The following USP53 variants were observed in gnomAD, a reference collection of about 807,000 sequenced individuals.
USP53 encodes ubiquitin specific peptidase 53.
USP53 carries 71 observed loss-of-function variants against 94.9 expected under a neutral mutation model. That is an observed-to-expected ratio of 0.75 (90% CI 0.62 to 0.91). The LOEUF is 0.91. USP53 is among the 40% of genes least tolerant of loss of function. The pLI is 0.00. For missense variants in USP53, 1,173 were observed against 1,281.0 expected, an observed-to-expected ratio of 0.92 and a Z score of 1.29; for synonymous variants, 375 against 422.7, an observed-to-expected ratio of 0.89 and a Z score of 1.39.
intron 4 of USP53, among the ~76,000 whole-genome samples, chr4:119,238,629 T>C (rs956021822): frequency 6.6e-6 from 1 of 152,230 alleles, no homozygotes; most frequent in African/African-American, 2.4e-5. Flanking sequence ...GACACACACC[T>C]TCAGTTTGTT....
At chr4:119,272,244 C>T (rs1343550540) in intron 16 of USP53, 6 of 422,746 alleles carry the variant, frequency 1.4e-5, no homozygotes, top group Non-Finnish European at 1.6e-5. Flanking sequence ...TTTAGATTTC[C>T]ATTTTGAATA....
chr4:119,240,045 G>C (rs1231828108), intron 5 of USP53, 142 bp downstream of exon 5: 13 of 936,118 alleles, frequency 1.4e-5, no homozygotes, highest in Non-Finnish European at 1.8e-5. Flanking sequence ...GGGAGCAAAA[G>C]TGTTTTGGCT....
chr4:119,217,010 C>T (rs1208167987), intron 2 of USP53, among the ~76,000 whole-genome samples: 1 of 152,104 alleles, frequency 6.6e-6, no homozygotes, highest in African/African-American at 2.4e-5. Flanking sequence ...TTATGATTCT[C>T]ACAGTAGCCC....
chr4:119,267,246 A>T, intron 12 of USP53, 74 bp from the exon 13 acceptor site: 1 of 1,436,096 alleles, frequency 7.0e-7, no homozygotes, highest in Non-Finnish European at 9.4e-7. Context: ...AAAGTAACTC[A>T]GAGTCTGTCT....
chr4:119,230,621 C>G (rs1168740837), intron 3 of USP53, among the ~76,000 whole-genome samples: 1 of 152,082 alleles, frequency 6.6e-6, no homozygotes, highest in Non-Finnish European at 1.5e-5. Flanking sequence ...CTAGGAGAGT[C>G]CTGACCAGAA....
rs747233745 is a variant in USP53 at position 119,271,616 on chromosome 4, C to T, written c.1756C>T (p.Pro586Ser). The change falls in exon 16 of 19, where the codon CCT becomes TCT. Residue 586 changes from proline to serine, a missense_variant. Transcript: ENST00000692078. Reference protein sequence around the residue: ...SSKSRNRGWKPMRETLNVDSI... With the variant: ...SSKSRNRGWKSMRETLNVDSI... ...TAAAAGCCGGAACCGAGGTTGGAAACCTATGAGAGAAACATTAAATGTTGA... is the reference window on the plus strand; with the variant it reads ...TAAAAGCCGGAACCGAGGTTGGAAATCTATGAGAGAAACATTAAATGTTGA... 6.2e-7 allele frequency: 1 copy of T among 1,613,628 alleles called. No homozygotes were observed. The highest frequency in any genetic ancestry group is 1.3e-5 in the African/African-American group (1 of 74,982).
rs766390231 is a variant in USP53 at position 119,271,646 on chromosome 4, A to G, written c.1786A>G (p.Ile596Val). ...GAGAGAAACATTAAATGTTGATAGTATTTTTAGTGAAAGTGAAAAAAGACA... is the reference window on the plus strand; with the variant it reads ...GAGAGAAACATTAAATGTTGATAGTGTTTTTAGTGAAAGTGAAAAAAGACA... ...PMRETLNVDS[I>V]FSESEKRQHS... The change falls in exon 16 of 19, where the codon ATT becomes GTT. Residue 596 changes from isoleucine (I) to valine (V), a missense_variant. Transcript: ENST00000692078. The G allele has an allele frequency of 8.7e-6, 14 of 1,613,820 alleles. No homozygotes were observed. The highest frequency in any genetic ancestry group is 1.3e-5 in the African/African-American group (1 of 74,936).
At chr4:119,236,355 T>C (rs1213239633) in intron 4 of USP53, among the ~76,000 whole-genome samples, 2 of 152,238 alleles carry the variant, frequency 1.3e-5, no homozygotes, top group Admixed American at 6.5e-5. Context: ...CGCCTTGATG[T>C]TGATGGCTGC....
chr4:119,267,610 A>G (rs1751309487), intron 13 of USP53, 128 bp downstream of exon 13: 1 of 1,081,880 alleles, frequency 9.2e-7, no homozygotes, highest in Non-Finnish European at 1.3e-6. Flanking sequence ...AGCTGAGGAA[A>G]TTTTAGTAAT....
intron 7 of USP53, among the ~76,000 whole-genome samples, chr4:119,252,432 A>C (rs1749149786): frequency 6.6e-6 from 1 of 152,104 alleles, no homozygotes; most frequent in South Asian, 2.1e-4. Context: ...GTCTACTCAG[A>C]GATTCAACTT....
chr4:119,239,712 A>G lies in USP53; in HGVS notation c.-48A>G. 3 of 1,563,838 alleles carry G rather than the reference A, an allele frequency of 1.9e-6. No individual in the cohort carries two copies. Among genetic ancestry groups the G allele is most frequent in the Non-Finnish European group, 2.6e-6 (3 of 1,156,142 alleles). The stretch of plus-strand genomic sequence containing the variant: ...TCCATTTTATTGTCCAAAATATTAC[A>G]TAAAAGTGTACAGTTTTTAGCCTAA... On this transcript the variant is annotated 5_prime_UTR_variant, in exon 5 of 19. Transcript: ENST00000692078.
intron 3 of USP53, among the ~76,000 whole-genome samples, chr4:119,226,207 AC>A (rs1358449100): frequency 6.6e-6 from 1 of 152,184 alleles, no homozygotes; most frequent in Admixed American, 6.5e-5. Context: ...TCTACAGCTA[AC>A]CCTACACATA....
chr4:119,249,282 G>A (rs888748265), intron 7 of USP53, among the ~76,000 whole-genome samples: 1 of 152,008 alleles, frequency 6.6e-6, no homozygotes, highest in African/African-American at 2.4e-5. Context: ...GATTTTGGTG[G>A]GATTTTGGTG....
chr4:119,265,663 T>C (rs1348520127), intron 12 of USP53, among the ~76,000 whole-genome samples: 1 of 122,854 alleles, frequency 8.1e-6, no homozygotes, highest in Non-Finnish European at 1.8e-5. Context: ...TGTGAGACCT[T>C]TTCTCAAAAC....
intron 6 of USP53, 140 bp downstream of exon 6, chr4:119,245,569 A>T: frequency 1.6e-6 from 1 of 636,404 alleles, no homozygotes; most frequent in South Asian, 2.4e-5. Context: ...TAACAGTATG[A>T]CTTATTCAGG....
intron 17 of USP53, among the ~76,000 whole-genome samples, chr4:119,290,200 TAG>T (rs1181291367): frequency 6.6e-6 from 1 of 152,102 alleles, no homozygotes; most frequent in African/African-American, 2.4e-5. Flanking sequence ...TAGCTATAAT[TAG>T]AGAGAGAGAA....
chr4:119,273,445 T>C (rs184007723), intron 16 of USP53, 187 bp from the exon 17 acceptor site: 61 of 451,102 alleles, frequency 1.4e-4, no homozygotes, highest in African/African-American at 1.1e-3. Flanking sequence ...CAAATTAATT[T>C]GACTTTTACA....
intron 17 of USP53, among the ~76,000 whole-genome samples, chr4:119,280,014 G>A (rs551947305): frequency 2.6e-5 from 4 of 152,184 alleles, no homozygotes; most frequent in Non-Finnish European, 4.4e-5. Context: ...ACTCCCTAGT[G>A]AGATGAACCC....
intron 5 of USP53, among the ~76,000 whole-genome samples, chr4:119,241,691 G>T (rs1747563642): frequency 6.6e-6 from 1 of 152,014 alleles, no homozygotes; most frequent in African/African-American, 2.4e-5. Context: ...TCTTGATATA[G>T]GTTTCTTCAT....
Sources: allele counts gnomAD v4.1 joint callset (sites outside exome capture counted in the v4.1 genomes callset), GRCh38; gene constraint gnomAD v4.1.1; transcripts MANE v1.5; gene names NCBI Gene and HGNC (gene_info 2026-07-23, HGNC 2026-07-21).